ROBO1: variants seen among roughly 807,000 people sequenced by gnomAD.
ROBO1 encodes the protein roundabout guidance receptor 1.
ROBO1 carries 149 observed loss-of-function variants against 195.9 expected under a neutral mutation model. The observed-to-expected ratio is 0.76, with a 90% CI of 0.67 to 0.87. The LOEUF (loss-of-function observed/expected upper bound fraction) is 0.87, where lower values mean the gene tolerates loss of function less well. ROBO1 is among the 40% of genes least tolerant of loss of function. The probability of loss-of-function intolerance (pLI) is 0.00; values close to 1 mark genes in which losing one functional copy is unlikely to be tolerated. For synonymous variants in ROBO1, 816 were observed against 733.2 expected (o/e 1.11, Z -1.82); for missense variants, 1,933 against 2,068.3 (o/e 0.93, Z 1.27).
chr3:78,990,152 T>G (rs369131969), intron 3 of ROBO1, among the ~76,000 whole-genome samples: 1 of 152,334 alleles, frequency 6.6e-6, no homozygotes, highest in South Asian at 2.1e-4. Context: ...TTTAATACAC[T>G]AGAATATTTT....
intron 2 of ROBO1, among the ~76,000 whole-genome samples, chr3:79,216,016 TA>T (rs1239286548): frequency 6.6e-6 from 1 of 152,154 alleles, no homozygotes; most frequent in East Asian, 1.9e-4. Flanking sequence ...AGATTAATTT[TA>T]ACTGTTGATT....
chr3:79,406,975 G>A (rs1326649388), intron 2 of ROBO1, among the ~76,000 whole-genome samples: 1 of 152,002 alleles, frequency 6.6e-6, no homozygotes, highest in Non-Finnish European at 1.5e-5. Context: ...CTAGAGTACA[G>A]TGGCACAATC....
intron 2 of ROBO1, among the ~76,000 whole-genome samples, chr3:79,570,438 T>A (rs1943242341): frequency 6.6e-6 from 1 of 152,164 alleles, no homozygotes; most frequent in South Asian, 2.1e-4. Flanking sequence ...TTGATTGTCA[T>A]AACATGCAGA....
At position 79,569,699 on chromosome 3, in the gene ROBO1, A is replaced by ATG. The variant is rs1333459009; in HGVS notation, c.88+20123_88+20124dup. 2.9e-4 allele frequency among the ~76,000 whole-genome samples: 44 copies of ATG among 149,380 alleles called. No individual in the cohort carries two copies. In the East Asian group the frequency reaches 8.2e-3, roughly 28 times the overall value. ...TATATATGTGTGTGTGTATATATAT[A>ATG]TGTGTGTGTGTATATATATATGTGT... On this transcript the variant is annotated intron_variant, in intron 2 of 30. Transcript: ENST00000464233.
At chr3:78,814,462 C>T (rs1369126495) in intron 4 of ROBO1, among the ~76,000 whole-genome samples, 3 of 151,714 alleles carry the variant, frequency 2.0e-5, no homozygotes, top group Non-Finnish European at 2.9e-5. Flanking sequence ...TTTCAAGGGC[C>T]CAAGAGCCTC....
At chr3:78,931,760 G>A (rs2039546181) in intron 4 of ROBO1, among the ~76,000 whole-genome samples, 1 of 152,114 alleles carries the variant, frequency 6.6e-6, no homozygotes, top group Non-Finnish European at 1.5e-5. Context: ...GAGACCAGGA[G>A]TTTGAGACCA....
intron 8 of ROBO1, among the ~76,000 whole-genome samples, chr3:78,691,228 T>C (rs926751072): frequency 2.0e-5 from 3 of 152,192 alleles, no homozygotes; most frequent in Non-Finnish European, 4.4e-5. Flanking sequence ...ACACCATTCA[T>C]TAAATGTGTC....
At chr3:79,510,971 C>A (rs1940672879) in intron 2 of ROBO1, among the ~76,000 whole-genome samples, 1 of 152,116 alleles carries the variant, frequency 6.6e-6, no homozygotes, top group Non-Finnish European at 1.5e-5. Context: ...AATTGAGATG[C>A]ATGATTTTCA....
rs76650006 is a variant in ROBO1 at position 78,888,937 on chromosome 3, A to C, written c.499+49664T>G. ...TTGGATGTTTTTGTATGTCATACTG[A>C]ATATAAACAGAATGTAAACAATGGG... On this transcript the variant is annotated intron_variant, in intron 4 of 30. Transcript: ENST00000464233. Among the ~76,000 whole-genome samples, 1,296 of 152,290 alleles carry C rather than the reference A, an allele frequency of 8.5e-3. 24 individuals carry two copies. The highest frequency in any genetic ancestry group is 0.027 in the African/African-American group (1,119 of 41,562).
intron 2 of ROBO1, among the ~76,000 whole-genome samples, chr3:79,333,124 A>G (rs1396788766): frequency 6.6e-6 from 1 of 151,648 alleles, no homozygotes; most frequent in East Asian, 2.0e-4. Context: ...AATTGCTTGA[A>G]CCTGAGAGGC....
chr3:78,614,821 A>T, intron 27 of ROBO1, 21 bp from the exon 28 acceptor site: 1 of 1,564,072 alleles, frequency 6.4e-7, no homozygotes, highest in Admixed American at 2.0e-5. Context: ...AAAAAAAAAA[A>T]ATCCAAGCCA....
intron 1 of ROBO1, among the ~76,000 whole-genome samples, chr3:79,702,344 A>G (rs1947644214): frequency 6.6e-6 from 1 of 151,916 alleles, no homozygotes. Context: ...ATGTTAAGAT[A>G]TGACATGGTG....
intron 2 of ROBO1, chr3:79,507,939 C>T (rs1423665660): frequency 1.9e-5 from 3 of 154,208 alleles, no homozygotes; most frequent in Non-Finnish European, 2.9e-5. Context: ...GAAGAGGAAA[C>T]TAGTAATGTT....
Position 78,661,145 on chromosome 3 carries a change from ACT to A in ROBO1, c.2203_2204del (p.Ser735CysfsTer5). On this transcript the variant is annotated frameshift_variant, in exon 16 of 31. Transcript: ENST00000464233. LOFTEE classifies it high-confidence loss of function. ...CCTTTCTGAGATCAGGGATTACCAC[ACT>A]GTTTTTGGCTGGCGTCCTCACTTCA... Reference protein sequence around the residue: ...VFEVRTPAKNSVVIPDLRKGV... With the variant: ...VFEVRTPAKNXVVIPDLRKGV... The A allele has an allele frequency of 6.2e-7, 1 of 1,613,600 alleles. No homozygotes were observed.
chr3:78,677,028 C>G (rs915227847), intron 10 of ROBO1, among the ~76,000 whole-genome samples: 2 of 152,098 alleles, frequency 1.3e-5, no homozygotes, highest in African/African-American at 2.4e-5. Flanking sequence ...ATTCAACATT[C>G]TTAAAGAAAA....
chr3:79,057,736 C>T (rs982488904), intron 3 of ROBO1, among the ~76,000 whole-genome samples: 2 of 151,960 alleles, frequency 1.3e-5, no homozygotes, highest in East Asian at 1.9e-4. Context: ...CACTGATTTA[C>T]CTGCTCCACA....
At chr3:79,219,858 T>C (rs1002377182) in intron 2 of ROBO1, among the ~76,000 whole-genome samples, 13 of 152,166 alleles carry the variant, frequency 8.5e-5, no homozygotes, top group African/African-American at 2.4e-4. Flanking sequence ...GTGATAAATA[T>C]GTTTTGATCA....
At chr3:78,783,497 A>T (rs1319664294) in intron 4 of ROBO1, among the ~76,000 whole-genome samples, 2 of 152,334 alleles carry the variant, frequency 1.3e-5, no homozygotes, top group South Asian at 4.1e-4. Context: ...ATAATGATAA[A>T]TTATTATCAC....
At chr3:79,746,234 T>C (rs1161151499) in intron 1 of ROBO1, among the ~76,000 whole-genome samples, 3 of 152,086 alleles carry the variant, frequency 2.0e-5, no homozygotes, top group Admixed American at 2.0e-4. Flanking sequence ...ATAGATGTGA[T>C]TAACATATCC....
Sources: gnomAD v4.1 joint callset for allele counts (sites outside exome capture counted in the v4.1 genomes callset) on GRCh38, gnomAD v4.1.1 for gene constraint, MANE v1.5 for transcripts, NCBI Gene and HGNC (gene_info 2026-07-23, HGNC 2026-07-21) for gene names.